The following DNAJB6 variants were observed in gnomAD, a reference collection of about 807,000 sequenced individuals.
DNAJB6 encodes dnaJ homolog subfamily B member 6.
A neutral mutation model predicts 42.7 loss-of-function variants in DNAJB6; 16 were observed. The observed-to-expected ratio is 0.37, with a 90% CI of 0.25 to 0.57. DNAJB6 has a LOEUF of 0.57. Ranked by LOEUF, DNAJB6 falls within the 20% of genes least tolerant of loss-of-function variation. DNAJB6 has a pLI of 0.74. For missense variants in DNAJB6, 347 were observed against 416.8 expected (o/e 0.83, Z 1.46); for synonymous variants, 170 against 163.5 (o/e 1.04, Z -0.30).
In DNAJB6 at chr7:157,409,970, CG is replaced by C; in HGVS notation, c.870del (p.Trp292GlyfsTer10). ...EGEQDRPRAP[G>X]PWDPLASAAG... ...GCGAGCAGGACCGACCTCGGGCACC[CG>C]GGCCCTGGGACCCCCTCGCGTCCGC... is the stretch of plus-strand genomic sequence containing the variant. On this transcript the variant is annotated frameshift_variant, in exon 9 of 10. Coordinates refer to ENST00000262177, the MANE Select transcript of DNAJB6 (RefSeq NM_058246.4). LOFTEE classifies it high-confidence loss of function. 1 of 1,535,080 alleles carries C rather than the reference CG, an allele frequency of 6.5e-7. No homozygotes were observed.
At chr7:157,387,328 C>T (rs1801117045) in intron 8 of DNAJB6, among the ~76,000 whole-genome samples, 1 of 152,164 alleles carries the variant, frequency 6.6e-6, no homozygotes, top group Non-Finnish European at 1.5e-5. Context: ...CTTCCTGTCT[C>T]TGGATAAGGT....
At chr7:157,356,734 GT>G (rs993769663) in intron 1 of DNAJB6, among the ~76,000 whole-genome samples, 4 of 152,104 alleles carry the variant, frequency 2.6e-5, no homozygotes, top group African/African-American at 7.2e-5. Flanking sequence ...ATAGGAACAA[GT>G]TTTTTTCTAA....
intron 1 of DNAJB6, 43 bp from the exon 2 acceptor site, chr7:157,358,504 A>T: frequency 7.4e-7 from 1 of 1,347,454 alleles, no homozygotes; most frequent in African/African-American, 1.4e-5. Context: ...TGATTTGCCC[A>T]TCCCCAGCAG....
intron 9 of DNAJB6, chr7:157,413,338 C>G (rs781611577): frequency 8.5e-5 from 13 of 152,214 alleles, no homozygotes; most frequent in Admixed American, 8.5e-4. Context: ...CTGAGGAAAG[C>G]AGCCTGCCCT....
At chr7:157,414,022 A>G (rs908284743) in intron 9 of DNAJB6, 1 of 152,178 alleles carries the variant, frequency 6.6e-6, no homozygotes, top group Non-Finnish European at 1.5e-5. Context: ...GCGCCCGGCA[A>G]TAGTGGAGGC....
intron 6 of DNAJB6, among the ~76,000 whole-genome samples, chr7:157,384,070 G>A (rs904126070): frequency 1.3e-5 from 2 of 152,124 alleles, no homozygotes; most frequent in African/African-American, 4.8e-5. Flanking sequence ...AGAGGTATGC[G>A]TCATTTGTGT....
chr7:157,390,602 TG>T (rs34212450), intron 8 of DNAJB6, among the ~76,000 whole-genome samples: 5 of 152,262 alleles, frequency 3.3e-5, no homozygotes, highest in South Asian at 2.1e-4. Flanking sequence ...TGCAGAAATG[TG>T]GGGTGGAGCC....
At chr7:157,399,014 T>TG (rs1294503169) in intron 8 of DNAJB6, among the ~76,000 whole-genome samples, 1 of 152,248 alleles carries the variant, frequency 6.6e-6, no homozygotes, top group East Asian at 1.9e-4. Context: ...TGGTTGGCTT[T>TG]CAGAAAGTGG....
intron 3 of DNAJB6, 96 bp from the exon 4 acceptor site, chr7:157,366,406 C>A: frequency 8.7e-7 from 1 of 1,150,966 alleles, no homozygotes; most frequent in Non-Finnish European, 1.3e-6. Flanking sequence ...AGTTGTAAAA[C>A]ATCGAAAACT....
chr7:157,404,326 TGTCA>T (rs1468403547), intron 8 of DNAJB6, among the ~76,000 whole-genome samples: 38 of 151,430 alleles, frequency 2.5e-4, no homozygotes, highest in African/African-American at 9.0e-4. Context: ...AGTCTTAATC[TGTCA>T]GTTAGGCTGG....
At chr7:157,388,307 G>A (rs1179272180) in intron 8 of DNAJB6, among the ~76,000 whole-genome samples, 1 of 152,214 alleles carries the variant, frequency 6.6e-6, no homozygotes, top group Non-Finnish European at 1.5e-5. Flanking sequence ...GTGCATGAGA[G>A]TACCTTTGAA....
chr7:157,343,502 T>C lies in DNAJB6; in HGVS notation c.-27+6358T>C, dbSNP rs148443853. Reference sequence around the variant, plus strand: ...ATTTTTTTTTGAGATGGAGTCTTGCTCTGTTGCCCCGGCTGGAGTGCTGTG... The same window carrying C: ...ATTTTTTTTTGAGATGGAGTCTTGCCCTGTTGCCCCGGCTGGAGTGCTGTG... On this transcript the variant is annotated intron_variant, in intron 1 of 9. Transcript: ENST00000262177. Among the ~76,000 whole-genome samples the C allele has an allele frequency of 2.2e-3, 336 of 152,046 alleles. 7 individuals are homozygous for C. The East Asian group carries it at 0.06, about 27-fold the overall frequency.
rs368336722 is a variant in DNAJB6, at chr7:157,366,449, A to G, written c.176-53A>G. On this transcript the variant is annotated intron_variant, in intron 3 of 9. Coordinates refer to ENST00000262177, the MANE Select transcript of DNAJB6 (RefSeq NM_058246.4). ...AACTGGGGAAATACCTTATCTATTG[A>G]ATTAAGGGTTTAAAAGGAACTTGGC... is the stretch of plus-strand genomic sequence containing the variant. 76 of 1,504,222 alleles carry G rather than the reference A, an allele frequency of 5.1e-5. No individual in the cohort carries two copies. The East Asian group carries it at 1.3e-3, about 25-fold the overall frequency. The allele number at this position is 1,504,222 out of a possible 1,614,324, so 93.2% of individuals were successfully genotyped here.
At chr7:157,389,139 T>G (rs899506368) in intron 8 of DNAJB6, among the ~76,000 whole-genome samples, 1 of 152,194 alleles carries the variant, frequency 6.6e-6, no homozygotes, top group Non-Finnish European at 1.5e-5. Context: ...AGGAACACTG[T>G]GGGGTGATTG....
At chr7:157,412,133 T>C (rs1171507452) in intron 9 of DNAJB6, 1 of 152,190 alleles carries the variant, frequency 6.6e-6, no homozygotes, top group Non-Finnish European at 1.5e-5. Flanking sequence ...CGTCAGAGAC[T>C]TTTACTTAAG....
At chr7:157,343,703 C>T (rs1448361979) in intron 1 of DNAJB6, among the ~76,000 whole-genome samples, 6 of 152,196 alleles carry the variant, frequency 3.9e-5, no homozygotes, top group Non-Finnish European at 1.5e-5. Context: ...CCTGCCATGG[C>T]CTCCCAAAGT....
intron 8 of DNAJB6, among the ~76,000 whole-genome samples, chr7:157,406,753 G>T (rs1458697255): frequency 1.3e-5 from 2 of 152,382 alleles, no homozygotes; most frequent in East Asian, 3.9e-4. Flanking sequence ...GGCGGTCTCA[G>T]CCTCTGAGGA....
chr7:157,349,089 T>C (rs1455407262), intron 1 of DNAJB6, among the ~76,000 whole-genome samples: 1 of 150,654 alleles, frequency 6.6e-6, no homozygotes, highest in Non-Finnish European at 1.5e-5. Context: ...GTGTTGTTGC[T>C]CACGCTTATC....
chr7:157,355,946 CTG>C (rs1799252681), intron 1 of DNAJB6, among the ~76,000 whole-genome samples: 3 of 152,264 alleles, frequency 2.0e-5, no homozygotes, highest in African/African-American at 7.2e-5. Context: ...GTTCTCACCT[CTG>C]TGCTCACTGC....
Sources: allele counts gnomAD v4.1 joint callset (sites outside exome capture counted in the v4.1 genomes callset), GRCh38; gene constraint gnomAD v4.1.1; transcripts MANE v1.5; gene names NCBI Gene and HGNC (gene_info 2026-07-23, HGNC 2026-07-21).